The following SMARCD3 variants were observed in gnomAD, a reference collection of about 807,000 sequenced individuals.
SMARCD3 encodes the protein SWI/SNF-related matrix-associated actin-dependent regulator of chromatin subfamily D member 3.
A neutral mutation model predicts 58.0 loss-of-function variants in SMARCD3; 14 were observed. The observed-to-expected ratio is 0.24, with a 90% confidence interval of 0.16 to 0.38. The LOEUF (loss-of-function observed/expected upper bound fraction) is 0.38. SMARCD3 is among the 10% of genes least tolerant of loss of function. SMARCD3 has a pLI of 1.00. For missense variants in SMARCD3, 408 were observed against 636.9 expected, an observed-to-expected ratio of 0.64 and a Z score of 3.87; for synonymous variants, 253 against 253.8, an observed-to-expected ratio of 1.00 and a Z score of 0.03.
chr7:151,248,825 G>C, upstream of SMARCD3: 1 of 367,400 alleles, frequency 2.7e-6, no homozygotes, highest in South Asian at 1.1e-4. The surrounding 1 kb of genome is among the most constrained non-coding windows in gnomAD (Gnocchi z 6.1). Flanking sequence ...CGGCGGCCCG[G>C]GGTCTGCCTG....
At chr7:151,277,092 C>T (rs1464530812), upstream of SMARCD3, 3 of 149,942 alleles carry the variant, frequency 2.0e-5, no homozygotes, top group African/African-American at 7.3e-5. Flanking sequence ...CCCCCGGGAC[C>T]CCGGCCCGGA....
chr7:151,268,175 C>T (rs1490594162), intron 2 of SMARCD3, among the ~76,000 whole-genome samples: 2 of 152,066 alleles, frequency 1.3e-5, no homozygotes, highest in East Asian at 1.9e-4. Flanking sequence ...TTTGCTCAGC[C>T]CTCACTGTGT....
At position 151,239,647 on chromosome 7, in the gene SMARCD3, G is replaced by A. The variant is rs1028309748; in HGVS notation, c.1273C>T (p.Arg425Cys). 23 of 1,613,944 alleles carry A rather than the reference G, an allele frequency of 1.4e-5. No homozygotes were observed. Among genetic ancestry groups the A allele is most frequent in the African/African-American group, 2.7e-5 (2 of 74,900 alleles). ...ACCTTGAGGTCCCGGCTCTGGGAGC[G>A]GAGCAGGTCTTGGACATAGCCTTTG... The part of the protein sequence containing the change: ...DPKGYVQDLL[R>C]SQSRDLKVMT... Residue 425 changes from arginine (R) to cysteine (C), a missense_variant, in exon 11 of 13, where the codon CGC (arginine) becomes TGC (cysteine). Arg to Cys is a radical substitution (Grantham distance 180, BLOSUM62 -3). Coordinates refer to ENST00000262188, the MANE Select transcript of SMARCD3 (RefSeq NM_001003801.2). This position sits in a 1 kb window ranked among gnomAD's most constrained non-coding sequence, Gnocchi z 7.0.
At position 151,242,857 on chromosome 7, in the gene SMARCD3, A is replaced by G. The variant is rs1803068827; in HGVS notation, c.334-14T>C. The G allele has an allele frequency of 6.2e-7, 1 of 1,613,840 alleles. No homozygotes were observed. The highest frequency in any genetic ancestry group is 8.5e-7 in the Non-Finnish European group (1 of 1,179,914). On this transcript the variant is annotated splice_polypyrimidine_tract_variant and intron_variant, in intron 3 of 12. Coordinates refer to ENST00000262188, the MANE Select transcript of SMARCD3 (RefSeq NM_001003801.2). The surrounding 1 kb of genome is among the most constrained non-coding windows in gnomAD (Gnocchi z 4.7). ...CAGCTCCCGAATCTGGAGAAGGAGG[A>G]GCAGGGCAGGAGTCAGAGGCTCAAG...
chr7:151,263,606 T>C (rs1803985170), intron 2 of SMARCD3, among the ~76,000 whole-genome samples: 1 of 149,454 alleles, frequency 6.7e-6, no homozygotes, highest in Non-Finnish European at 1.5e-5. Flanking sequence ...ATTATGAACA[T>C]CTTCTTCTCC....
chr7:151,254,800 C>CG (rs1803648372), intron 2 of SMARCD3, among the ~76,000 whole-genome samples: 1 of 152,182 alleles, frequency 6.6e-6, no homozygotes, highest in African/African-American at 2.4e-5. Flanking sequence ...GAGGCAGGAA[C>CG]GGGCCTCAGC....
chr7:151,247,081 C>T (rs1803303019), intron 1 of SMARCD3, among the ~76,000 whole-genome samples: 1 of 152,146 alleles, frequency 6.6e-6, no homozygotes, highest in Admixed American at 6.5e-5. Flanking sequence ...GTGAAACCTG[C>T]CTGTCCATGT....
upstream of SMARCD3, among the ~76,000 whole-genome samples, chr7:151,253,063 C>G (rs141111962): frequency 6.6e-6 from 1 of 152,334 alleles, no homozygotes; most frequent in Non-Finnish European, 1.5e-5. Context: ...AGGCTTAAGT[C>G]AGAGCATTCC....
chr7:151,272,282 G>A (rs567388856), intron 2 of SMARCD3, among the ~76,000 whole-genome samples: 3 of 152,070 alleles, frequency 2.0e-5, no homozygotes, highest in Admixed American at 6.5e-5. Context: ...TGCTGGCATC[G>A]GGGTCTCTGG....
At chr7:151,269,098 A>C (rs1392199204) in intron 2 of SMARCD3, among the ~76,000 whole-genome samples, 4 of 152,190 alleles carry the variant, frequency 2.6e-5, no homozygotes, top group African/African-American at 9.7e-5. Flanking sequence ...GAATGGATCT[A>C]AAGTGTCTCA....
In SMARCD3 at chr7:151,239,868, C is replaced by A. The variant is rs946452256; in HGVS notation, c.1174-122G>T. On this transcript the variant is annotated intron_variant, in intron 10 of 12. Coordinates refer to ENST00000262188, the MANE Select transcript of SMARCD3 (RefSeq NM_001003801.2). This position sits in a 1 kb window ranked among gnomAD's most constrained non-coding sequence, Gnocchi z 7.0. ...TTCTGTGAAGGACAACCCCTCAGAGCCCCTGATTTCTCTGAAGTCCCAGGG... is the reference window on the plus strand; with the variant it reads ...TTCTGTGAAGGACAACCCCTCAGAGACCCTGATTTCTCTGAAGTCCCAGGG... 3.6e-6 allele frequency: 4 copies of A among 1,106,402 alleles called. No homozygotes were observed. The African/African-American group carries it at 4.7e-5, about 13-fold the overall frequency. 68.5% of individuals were successfully genotyped at this position (1,106,402 alleles called of 1,614,324 possible).
chr7:151,239,220 C>A lies in SMARCD3; in HGVS notation c.1399-64G>T. 4 of 1,533,626 alleles carry A rather than the reference C, an allele frequency of 2.6e-6. No homozygotes were observed. ...CTGGTGAGTGATCAGGACAATCCCA[C>A]CTACTGACACCGCCTGCCCTGAAAG... On this transcript the variant is annotated intron_variant, in intron 12 of 12. Transcript: ENST00000262188. The surrounding 1 kb of genome is among the most constrained non-coding windows in gnomAD (Gnocchi z 7.0).
intron 2 of SMARCD3, among the ~76,000 whole-genome samples, chr7:151,259,612 T>TTTTTTC (rs1563682507): frequency 8.7e-6 from 1 of 114,298 alleles, no homozygotes; most frequent in African/African-American, 3.7e-5. Context: ...TTTTTTTTTT[T>TTTTTTC]TTTTTTTTTT....
Position 151,248,409 on chromosome 7 carries a change from C to T in SMARCD3, c.78+76G>A, listed in dbSNP as rs1404329588. 5.4e-6 allele frequency: 7 copies of T among 1,292,472 alleles called. No homozygotes were observed. In the East Asian group the frequency reaches 1.2e-4, roughly 22 times the overall value. The allele number at this position is 1,292,472 out of a possible 1,614,324, so 80.1% of individuals were successfully genotyped here. A position where few individuals can be genotyped will look rare whatever the true frequency, so the allele number is the denominator to read the frequency against. On this transcript the variant is annotated intron_variant, in intron 1 of 12. Coordinates refer to ENST00000262188, the MANE Select transcript of SMARCD3 (RefSeq NM_001003801.2). The surrounding 1 kb of genome is among the most constrained non-coding windows in gnomAD (Gnocchi z 6.1). ...GGGTGGGAGAGCGGGAGCGCCCTCCCGGCCCCTCCCGATCAGCCCTCCATT... is the reference window on the plus strand; with the variant it reads ...GGGTGGGAGAGCGGGAGCGCCCTCCTGGCCCCTCCCGATCAGCCCTCCATT...
In SMARCD3 at chr7:151,246,822, A is replaced by G. The variant is rs894759480; in HGVS notation, c.79-1151T>C. Among the ~76,000 whole-genome samples the G allele has an allele frequency of 1.3e-4, 20 of 152,124 alleles. No homozygotes were observed. The highest frequency in any genetic ancestry group is 2.5e-4 in the Non-Finnish European group (17 of 68,006). On this transcript the variant is annotated intron_variant, in intron 1 of 12. Transcript: ENST00000262188. The surrounding 1 kb of genome is among the most constrained non-coding windows in gnomAD (Gnocchi z 4.4). ...AGAGTTTCAGGGGCTGTGAAACAGA[A>G]AGAGCGGGGTGGGATGGGGACTGGG... is the stretch of plus-strand genomic sequence containing the variant.
At chr7:151,261,133 C>T (rs1275458109) in intron 2 of SMARCD3, among the ~76,000 whole-genome samples, 2 of 152,220 alleles carry the variant, frequency 1.3e-5, no homozygotes, top group Non-Finnish European at 2.9e-5. Flanking sequence ...TGCCTGAACC[C>T]ACTGCCCTGG....
chr7:151,244,417 A>G (rs1803156261), intron 2 of SMARCD3, among the ~76,000 whole-genome samples: 1 of 152,176 alleles, frequency 6.6e-6, no homozygotes, highest in Non-Finnish European at 1.5e-5. Flanking sequence ...AACTAACCCA[A>G]AAACCCCCAG....
intron 2 of SMARCD3, among the ~76,000 whole-genome samples, chr7:151,264,884 T>A (rs551362865): frequency 5.3e-5 from 8 of 152,258 alleles, no homozygotes; most frequent in African/African-American, 1.9e-4. Flanking sequence ...TGGCTCTTCA[T>A]GGAGCCAGGT....
rs770244501 is a variant in SMARCD3, at chr7:151,240,124, A to G, written c.1161T>C (p.Ala387=). The G allele has an allele frequency of 3.4e-5, 55 of 1,613,862 alleles. 1 individual carries two copies. The South Asian group carries it at 5.9e-4, about 17-fold the overall frequency. Residue 387 remains alanine (A), a synonymous_variant, in exon 10 of 13, where the codon GCT becomes GCC. Transcript: ENST00000262188. ...LSTANQQEIS[A]LDSKIHETIE... The stretch of plus-strand genomic sequence containing the variant: ...GCTTGGGCCCCACCTTACTGTCCAG[A>G]GCACTGATCTCCTGCTGGTTGGCCG...
Sources: allele counts gnomAD v4.1 joint callset (sites outside exome capture counted in the v4.1 genomes callset), GRCh38; gene constraint gnomAD v4.1.1; non-coding constraint Gnocchi (gnomAD v3.1); transcripts MANE v1.5; gene names NCBI Gene and HGNC (gene_info 2026-07-23, HGNC 2026-07-21).